CHST3: variants seen among roughly 807,000 people sequenced by gnomAD.
The protein encoded by CHST3 is carbohydrate sulfotransferase 3.
In CHST3, 20 loss-of-function variants were observed where a neutral mutation model predicts 35.4. That is an observed-to-expected ratio of 0.57 (90% CI 0.40 to 0.82). The LOEUF is 0.82. Among genes scored for constraint, CHST3 ranks in the 40% least tolerant of loss-of-function variants. The pLI, the probability that CHST3 is intolerant of heterozygous loss-of-function variation, is 0.00. For synonymous variants in CHST3, 334 were observed against 295.9 expected (o/e 1.13, Z -1.32); for missense variants, 693 against 670.1 (o/e 1.03, Z -0.38).
intron 1 of CHST3, among the ~76,000 whole-genome samples, chr10:71,977,330 CTT>C (rs1839755688): frequency 6.6e-6 from 1 of 152,208 alleles, no homozygotes; most frequent in African/African-American, 2.4e-5. Flanking sequence ...ATTGTCCCCT[CTT>C]GTCTTGCAGG....
Position 72,007,272 on chromosome 10 carries a change from A to G in CHST3, c.241A>G (p.Ser81Gly), listed in dbSNP as rs549789362. Residue 81 changes from serine to glycine, a missense_variant, in exon 3 of 3, where the codon AGC (serine) becomes GGC (glycine). Coordinates refer to ENST00000373115, the MANE Select transcript of CHST3 (RefSeq NM_004273.5). ...TGAGAACGCATCTCTCTTGTCCCTG[A>G]GCGAGCTCGATTCAGCCTTCTCCCA... is the stretch of plus-strand genomic sequence containing the variant. ...LAENASLLSL[S>G]ELDSAFSQLQ... 6.2e-7 allele frequency: 1 copy of G among 1,614,142 alleles called. No individual in the cohort carries two copies. The highest frequency in any genetic ancestry group is 1.3e-5 in the African/African-American group (1 of 75,046).
intron 1 of CHST3, among the ~76,000 whole-genome samples, chr10:71,967,975 A>ATTTTTTTTTTTTTTTTTTTTTTTTTTTT: frequency 7.0e-6 from 1 of 142,040 alleles, no homozygotes; most frequent in Non-Finnish European, 1.5e-5. Context: ...TGCGTGGCTA[A>ATTTTTTTTTTTTTTTTTTTTTTTTTTTT]TTTTTTTTTT....
At chr10:71,968,879 G>C (rs944324064) in intron 1 of CHST3, among the ~76,000 whole-genome samples, 13 of 152,080 alleles carry the variant, frequency 8.5e-5, no homozygotes, top group African/African-American at 3.1e-4. Context: ...TGAGAAGTTG[G>C]GACAAAGCTG....
intron 1 of CHST3, among the ~76,000 whole-genome samples, chr10:71,989,090 A>C (rs928831686): frequency 1.3e-5 from 2 of 152,182 alleles, no homozygotes; most frequent in Admixed American, 1.3e-4. Flanking sequence ...TGAACTTAGG[A>C]GGTGGAGGTT....
At chr10:71,981,329 CT>C (rs1284205641) in intron 1 of CHST3, among the ~76,000 whole-genome samples, 1 of 152,254 alleles carries the variant, frequency 6.6e-6, no homozygotes, top group African/African-American at 2.4e-5. Flanking sequence ...GCCCCCACCC[CT>C]AAGCCTCCTC....
Position 72,008,133 on chromosome 10 carries a change from C to A in CHST3, c.1102C>A (p.Leu368Met). 1 of 1,548,236 alleles carries A rather than the reference C, an allele frequency of 6.5e-7. No homozygotes were observed. ...QPAWLRGRYM[L>M]VRYEDVARGP... ...CGCCTGGCTGCGGGGCCGCTACATG[C>A]TGGTGCGCTACGAGGACGTGGCACG... The change falls in exon 3 of 3, where the codon CTG becomes ATG. Residue 368 changes from leucine (L) to methionine (M), a missense_variant. Leu to Met is a conservative substitution (Grantham distance 15, BLOSUM62 2). Coordinates refer to ENST00000373115, the MANE Select transcript of CHST3 (RefSeq NM_004273.5).
chr10:71,979,723 AT>A (rs1839783046), intron 1 of CHST3, among the ~76,000 whole-genome samples: 1 of 152,046 alleles, frequency 6.6e-6, no homozygotes, highest in Non-Finnish European at 1.5e-5. Context: ...TCAGAATATT[AT>A]TTTTGTGATA....
chr10:72,005,746 T>C lies in CHST3; in HGVS notation c.-97T>C. On this transcript the variant is annotated 5_prime_UTR_variant, in exon 2 of 3. Transcript: ENST00000373115. Reference sequence around the variant, plus strand: ...CCTGTCTCTCCGCAGGACAAGGGTGTCCCCCACCTGAAGACGGCAAGCTGG... The same window carrying C: ...CCTGTCTCTCCGCAGGACAAGGGTGCCCCCCACCTGAAGACGGCAAGCTGG... The C allele has an allele frequency of 3.4e-6, 5 of 1,490,908 alleles. No homozygotes were observed. 92.4% of individuals were successfully genotyped at this position (1,490,908 alleles called of 1,614,324 possible). A position where few individuals can be genotyped will look rare whatever the true frequency, so the allele number is the denominator to read the frequency against.
intron 1 of CHST3, among the ~76,000 whole-genome samples, chr10:71,971,862 C>G (rs1589496501): frequency 6.6e-6 from 1 of 152,198 alleles, no homozygotes; most frequent in Non-Finnish European, 1.5e-5. Context: ...GAATAGAAAT[C>G]TAGAACCTGC....
chr10:71,969,475 A>G (rs924943704), intron 1 of CHST3, among the ~76,000 whole-genome samples: 1 of 152,212 alleles, frequency 6.6e-6, no homozygotes, highest in Admixed American at 6.5e-5. Flanking sequence ...CCCAGTACAG[A>G]TGTCCATAGA....
rs564044116 is a variant in CHST3, at chr10:72,006,068, C to A, written c.140+86C>A. 66 of 1,531,272 alleles carry A rather than the reference C, an allele frequency of 4.3e-5. 1 individual carries two copies. The highest frequency in any genetic ancestry group is 3.5e-4 in the Middle Eastern group (2 of 5,694). 94.9% of individuals were successfully genotyped at this position (1,531,272 alleles called of 1,614,324 possible). A position where few individuals can be genotyped will look rare whatever the true frequency, so the allele number is the denominator to read the frequency against. ...AGGTAACTGCAGGGCTCTCTGTGGA[C>A]CTGCAAATGCATTCCTTCAACGAGC... On this transcript the variant is annotated intron_variant, in intron 2 of 2. Transcript: ENST00000373115.
Position 71,976,777 on chromosome 10 carries a change from ACTTTTCTCAAACAAGAGG to A in CHST3, c.-108+12086_-108+12103del, listed in dbSNP as rs377559870. 5.8e-3 allele frequency among the ~76,000 whole-genome samples: 889 copies of A among 152,280 alleles called. 6 individuals are homozygous for A. The highest frequency in any genetic ancestry group is 0.019 in the African/African-American group (808 of 41,544). ...TTAAATTCAAAGACTTGTTAAAATG[ACTTTTCTCAAACAAGAGG>A]CTACCCTCAAAAGAACTTTGCCTCT... On this transcript the variant is annotated intron_variant, in intron 1 of 2. Coordinates refer to ENST00000373115, the MANE Select transcript of CHST3 (RefSeq NM_004273.5).
Position 72,011,524 on chromosome 10 carries a change from C to T in CHST3, c.*3053C>T, listed in dbSNP as rs12172746. 0.19 allele frequency: 29,253 copies of T among 152,072 alleles called. 3,511 individuals carry two copies. Among genetic ancestry groups the T allele is most frequent in the African/African-American group, 0.34 (14,080 of 41,422 alleles). The allele number at this position is 152,072 out of a possible 1,614,324, so 9.4% of individuals were successfully genotyped here. ...GCACTGGTGGCCGGGCCTCTTTTTC[C>T]AGCGAGGCCAGCCCTGGCTTCTCCT... On this transcript the variant is annotated 3_prime_UTR_variant, in exon 3 of 3. Coordinates refer to ENST00000373115, the MANE Select transcript of CHST3 (RefSeq NM_004273.5).
At chr10:71,975,542 C>G (rs1470721520) in intron 1 of CHST3, among the ~76,000 whole-genome samples, 1 of 152,244 alleles carries the variant, frequency 6.6e-6, no homozygotes, top group Non-Finnish European at 1.5e-5. Context: ...AGGAGAACAT[C>G]CAGCTTCACT....
Position 72,008,099 on chromosome 10 carries a change from G to A in CHST3, c.1068G>A (p.Leu356=). Residue 356 remains leucine (L), a synonymous_variant, in exon 3 of 3, where the codon CTG becomes CTA. Transcript: ENST00000373115. ...TCCGCCTGTCCGCGGAGCTGGGGCT[G>A]CGGCAGCCCGCCTGGCTGCGGGGCC... The part of the protein sequence containing the change: ...ESIRLSAELG[L]RQPAWLRGRY... 6.5e-7 allele frequency: 1 copy of A among 1,545,156 alleles called. No homozygotes were observed. Among genetic ancestry groups the A allele is most frequent in the Non-Finnish European group, 8.7e-7 (1 of 1,143,870 alleles).
rs1840127310 is a variant in CHST3, at chr10:72,012,960, A to T, written c.*4489A>T. 1 of 152,200 alleles carries T rather than the reference A, an allele frequency of 6.6e-6. No homozygotes were observed. Among genetic ancestry groups the T allele is most frequent in the East Asian group, 1.9e-4 (1 of 5,198 alleles). The allele number at this position is 152,200 out of a possible 1,614,324, so 9.4% of individuals were successfully genotyped here. A position where few individuals can be genotyped will look rare whatever the true frequency, so the allele number is the denominator to read the frequency against. On this transcript the variant is annotated 3_prime_UTR_variant, in exon 3 of 3. Coordinates refer to ENST00000373115, the MANE Select transcript of CHST3 (RefSeq NM_004273.5). ...GTGTCCTTTGGCACCCCGTAACTGGACTGGGGACAAATTTGTTACGTGTTT... is the reference window on the plus strand; with the variant it reads ...GTGTCCTTTGGCACCCCGTAACTGGTCTGGGGACAAATTTGTTACGTGTTT...
At chr10:71,979,580 C>T (rs1339079695) in intron 1 of CHST3, among the ~76,000 whole-genome samples, 1 of 152,074 alleles carries the variant, frequency 6.6e-6, no homozygotes, top group Non-Finnish European at 1.5e-5. Flanking sequence ...CAGCCCTAGG[C>T]TCATGGTTGC....
At chr10:71,998,739 A>G (rs1839964728) in intron 1 of CHST3, among the ~76,000 whole-genome samples, 1 of 152,226 alleles carries the variant, frequency 6.6e-6, no homozygotes, top group South Asian at 2.1e-4. Flanking sequence ...ACTGACACTC[A>G]GGTGACACAC....
chr10:72,006,024 GGGGT>G, intron 2 of CHST3, 42 bp downstream of exon 2: 5 of 1,531,828 alleles, frequency 3.3e-6, no homozygotes, highest in African/African-American at 1.4e-5. Flanking sequence ...CTTTCAAGGT[GGGGT>G]GGGTGGGGAC....
Sources: allele counts gnomAD v4.1 joint callset (sites outside exome capture counted in the v4.1 genomes callset), GRCh38; gene constraint gnomAD v4.1.1; transcripts MANE v1.5; gene names NCBI Gene and HGNC (gene_info 2026-07-23, HGNC 2026-07-21).